Variants in NAALADL2 observed in about 807,000 individuals in gnomAD.
NAALADL2 encodes the protein N-acetylated alpha-linked acidic dipeptidase like 2.
In NAALADL2, 76 loss-of-function variants were observed where a neutral mutation model predicts 87.2. The ratio of observed to expected loss-of-function variants is 0.87; its 90% confidence interval spans 0.72 to 1.05. The LOEUF (loss-of-function observed/expected upper bound fraction) is 1.05, where lower values mean the gene tolerates loss of function less well. Ranked by LOEUF, NAALADL2 falls within the 50% of genes least tolerant of loss-of-function variation. The pLI is 0.00. For synonymous variants in NAALADL2, 354 were observed against 331.0 expected (o/e 1.07, Z -0.75); for missense variants, 1,089 against 945.8 (o/e 1.15, Z -1.99).
chr3:174,878,087 A>C (rs538944248), intron 1 of NAALADL2, among the ~76,000 whole-genome samples: 1 of 152,236 alleles, frequency 6.6e-6, no homozygotes, highest in South Asian at 2.1e-4. Flanking sequence ...ATTTGGTTAC[A>C]TCGTGTCTGA....
rs189089216 is a variant in NAALADL2 at position 174,574,900 on chromosome 3, G to A, written c.-115+24263G>A. 7.2e-5 allele frequency among the ~76,000 whole-genome samples: 11 copies of A among 152,130 alleles called. No individual in the cohort carries two copies. In the East Asian group the frequency reaches 2.1e-3, roughly 29 times the overall value. ...GATACAATTTATAAAAGCAAAACGA[G>A]TTTATCCATTCTTCTCTTGATAAAT... is the stretch of plus-strand genomic sequence containing the variant. On this transcript the variant is annotated intron_variant, in intron 2 of 3. Transcript: ENST00000434257.
At chr3:175,376,403 G>GC (rs1218118963) in intron 5 of NAALADL2, among the ~76,000 whole-genome samples, 1 of 151,856 alleles carries the variant, frequency 6.6e-6, no homozygotes, top group Non-Finnish European at 1.5e-5. Flanking sequence ...AATATAGAAG[G>GC]CCTTTTTCCT....
At chr3:175,031,873 T>C (rs1402494747) in intron 1 of NAALADL2, among the ~76,000 whole-genome samples, 1 of 152,042 alleles carries the variant, frequency 6.6e-6, no homozygotes, top group Non-Finnish European at 1.5e-5. Flanking sequence ...GTTAGTGATG[T>C]TGAGCATTTT....
chr3:174,874,006 A>T (rs555869108), intron 1 of NAALADL2, among the ~76,000 whole-genome samples: 27 of 152,178 alleles, frequency 1.8e-4, no homozygotes, highest in African/African-American at 5.5e-4. Context: ...TTAGTTAATG[A>T]TATTTGCCCA....
intron 1 of NAALADL2, among the ~76,000 whole-genome samples, chr3:174,912,119 C>T (rs1448039711): frequency 6.6e-6 from 1 of 151,896 alleles, no homozygotes; most frequent in Non-Finnish European, 1.5e-5. Context: ...TTTCTTTATA[C>T]CTATATTTGA....
At chr3:174,839,073 T>C (rs1162555246) in intron 3 of NAALADL2, among the ~76,000 whole-genome samples, 1 of 152,150 alleles carries the variant, frequency 6.6e-6, no homozygotes, top group African/African-American at 2.4e-5. Flanking sequence ...TCTGAAGGCA[T>C]CACATTAACT....
rs558906065 is a variant in NAALADL2, at chr3:175,342,989, G to T, written c.1090+18664G>T. On this transcript the variant is annotated intron_variant, in intron 5 of 13. Transcript: ENST00000454872. Reference sequence around the variant, plus strand: ...TTTAGATACCCCAGATTGAACAATAGTTTTAAAAGTTTAAAAACACATTTT... The same window carrying T: ...TTTAGATACCCCAGATTGAACAATATTTTTAAAAGTTTAAAAACACATTTT... Among the ~76,000 whole-genome samples the T allele has an allele frequency of 4.7e-4, 72 of 152,160 alleles. 2 individuals carry two copies. The highest frequency in any genetic ancestry group is 4.3e-3 in the Admixed American group (66 of 15,244).
chr3:175,805,331 T>C lies in NAALADL2; in HGVS notation c.*2128T>C, dbSNP rs1269550603. 2 of 151,954 alleles carry C rather than the reference T, an allele frequency of 1.3e-5. No homozygotes were observed. The highest frequency in any genetic ancestry group is 1.9e-4 in the East Asian group (1 of 5,186). The allele number at this position is 151,954 out of a possible 1,614,324, so 9.4% of individuals were successfully genotyped here. A position where few individuals can be genotyped will look rare whatever the true frequency, so the allele number is the denominator to read the frequency against. On this transcript the variant is annotated 3_prime_UTR_variant, in exon 14 of 14. Coordinates refer to ENST00000454872, the MANE Select transcript of NAALADL2 (RefSeq NM_207015.3). ...GATTGCGTACCTAGGTAAGTCACACTGTATAGATAAAAACCTTCTTCTGTA... is the reference window on the plus strand; with the variant it reads ...GATTGCGTACCTAGGTAAGTCACACCGTATAGATAAAAACCTTCTTCTGTA...
chr3:175,717,897 C>G (rs1308352056), intron 11 of NAALADL2, among the ~76,000 whole-genome samples: 1 of 149,892 alleles, frequency 6.7e-6, no homozygotes, highest in African/African-American at 2.5e-5. Context: ...GCAACCTTCA[C>G]CTCCCGGGCT....
intron 1 of NAALADL2, among the ~76,000 whole-genome samples, chr3:174,871,642 T>C (rs776687735): frequency 1.3e-5 from 2 of 152,214 alleles, no homozygotes; most frequent in Non-Finnish European, 2.9e-5. Flanking sequence ...CTCACAGCTG[T>C]AATCCCAACA....
At chr3:175,239,758 T>A (rs1021588733) in intron 3 of NAALADL2, among the ~76,000 whole-genome samples, 5 of 152,218 alleles carry the variant, frequency 3.3e-5, no homozygotes, top group African/African-American at 1.2e-4. Context: ...ACTAGCATCC[T>A]TTCTTAATAG....
intron 1 of NAALADL2, among the ~76,000 whole-genome samples, chr3:175,067,832 A>G (rs1165996890): frequency 1.3e-5 from 2 of 152,178 alleles, no homozygotes; most frequent in African/African-American, 2.4e-5. Flanking sequence ...AAGACATGGA[A>G]TCCACCCATG....
At chr3:175,350,165 A>G (rs1184660974) in intron 5 of NAALADL2, among the ~76,000 whole-genome samples, 1 of 151,318 alleles carries the variant, frequency 6.6e-6, no homozygotes, top group Non-Finnish European at 1.5e-5. Flanking sequence ...GCTGGCTTTT[A>G]TCCTTTTCCT....
chr3:175,250,962 C>G (rs117659107), intron 3 of NAALADL2, among the ~76,000 whole-genome samples: 1 of 152,132 alleles, frequency 6.6e-6, no homozygotes, highest in East Asian at 1.9e-4. Context: ...ATGTATTTAA[C>G]GCTTTATGGC....
intron 1 of NAALADL2, among the ~76,000 whole-genome samples, chr3:175,060,639 A>G (rs1713232140): frequency 6.6e-6 from 1 of 152,256 alleles, no homozygotes; most frequent in Admixed American, 6.5e-5. Flanking sequence ...CTATCTGGGC[A>G]TTAAAGCCAA....
At chr3:175,640,282 A>G (rs1185255395) in intron 11 of NAALADL2, among the ~76,000 whole-genome samples, 1 of 152,178 alleles carries the variant, frequency 6.6e-6, no homozygotes, top group Non-Finnish European at 1.5e-5. Context: ...CAAATGATGT[A>G]GAAAAGTGAT....
At chr3:174,854,835 CTTTTTTTT>C (rs68116968), upstream of NAALADL2, among the ~76,000 whole-genome samples, 1 of 111,996 alleles carries the variant, frequency 8.9e-6, no homozygotes, top group Non-Finnish European at 1.7e-5. Flanking sequence ...GCTTTTTTTT[CTTTTTTTT>C]TTTTTTTTTT....
At chr3:175,774,442 TA>T (rs1461225873) in intron 13 of NAALADL2, among the ~76,000 whole-genome samples, 1 of 152,108 alleles carries the variant, frequency 6.6e-6, no homozygotes, top group Admixed American at 6.6e-5. Context: ...TTTAAATCCT[TA>T]TTTTTTAAAA....
intron 2 of NAALADL2, among the ~76,000 whole-genome samples, chr3:174,719,615 G>T (rs1731520054): frequency 6.6e-6 from 1 of 152,078 alleles, no homozygotes; most frequent in Admixed American, 6.6e-5. Flanking sequence ...ATGACTGTTT[G>T]TTAAATCTTT....
Sources: gnomAD v4.1 joint callset for allele counts (sites outside exome capture counted in the v4.1 genomes callset) on GRCh38, gnomAD v4.1.1 for gene constraint, MANE v1.5 for transcripts, NCBI Gene and HGNC (gene_info 2026-07-23, HGNC 2026-07-21) for gene names.